QDPR: variants seen among roughly 807,000 people sequenced by gnomAD.
The protein encoded by QDPR is quinoid dihydropteridine reductase.
Under a neutral mutation model 31.7 loss-of-function variants are expected in QDPR, and 23 were observed. The ratio of observed to expected loss-of-function variants is 0.73; its 90% confidence interval spans 0.52 to 1.03. The LOEUF (loss-of-function observed/expected upper bound fraction) is 1.03, where lower values mean the gene tolerates loss of function less well. QDPR is among the 50% of genes least tolerant of loss of function. The probability of loss-of-function intolerance (pLI) is 0.00; values close to 1 mark genes in which losing one functional copy is unlikely to be tolerated. For missense variants in QDPR, 324 were observed against 323.8 expected (o/e 1.00, Z 0.00); for synonymous variants, 124 against 124.7 (o/e 0.99, Z 0.03).
intron 2 of QDPR, among the ~76,000 whole-genome samples, 165 bp downstream of exon 2, chr4:17,509,106 G>A (rs945832121): frequency 1.3e-5 from 2 of 151,990 alleles, no homozygotes; most frequent in African/African-American, 2.4e-5. Context: ...TGCAGTGAAC[G>A]GAGATCATGC....
At chr4:17,490,768 C>G in intron 5 of QDPR, 23 bp from the exon 6 acceptor site, 3 of 1,592,680 alleles carry the variant, frequency 1.9e-6, no homozygotes, top group African/African-American at 1.3e-5. Flanking sequence ...CAGATAAGCA[C>G]GTCATTCATG....
At chr4:17,498,127 T>C (rs965904260) in intron 4 of QDPR, among the ~76,000 whole-genome samples, 1 of 152,140 alleles carries the variant, frequency 6.6e-6, no homozygotes, top group African/African-American at 2.4e-5. Flanking sequence ...TGAAAACCAC[T>C]ATTTCTTCTA....
intron 2 of QDPR, among the ~76,000 whole-genome samples, chr4:17,507,297 CT>C (rs1346630393): frequency 6.6e-6 from 1 of 152,190 alleles, no homozygotes; most frequent in African/African-American, 2.4e-5. Context: ...GTAAAATGGC[CT>C]GCCTGCCTGC....
intron 1 of QDPR, among the ~76,000 whole-genome samples, 171 bp downstream of exon 1, chr4:17,511,779 G>T (rs1382293632): frequency 6.6e-6 from 1 of 152,156 alleles, no homozygotes; most frequent in African/African-American, 2.4e-5. Flanking sequence ...GCGTGCGCAC[G>T]CACTCGGAAA....
chr4:17,509,562 C>T (rs1169167733), intron 1 of QDPR, among the ~76,000 whole-genome samples, 199 bp from the exon 2 acceptor site: 1 of 151,940 alleles, frequency 6.6e-6, no homozygotes, highest in Non-Finnish European at 1.5e-5. Flanking sequence ...CCAGTCCCTA[C>T]AAAAAAATTT....
At chr4:17,493,328 G>A (rs531776815) in intron 4 of QDPR, among the ~76,000 whole-genome samples, 8 of 152,206 alleles carry the variant, frequency 5.3e-5, no homozygotes, top group Admixed American at 1.3e-4. Context: ...CCGGCTACTC[G>A]GGAGGCTGAG....
intron 3 of QDPR, among the ~76,000 whole-genome samples, chr4:17,503,754 A>T (rs113758487): frequency 6.6e-6 from 1 of 152,196 alleles, no homozygotes; most frequent in Admixed American, 6.5e-5. Flanking sequence ...GTTCAAGACC[A>T]GCCTGGGCAA....
chr4:17,491,933 T>C (rs1379076320), intron 5 of QDPR, among the ~76,000 whole-genome samples: 1 of 152,142 alleles, frequency 6.6e-6, no homozygotes, highest in Non-Finnish European at 1.5e-5. Flanking sequence ...GAAGGCGCCA[T>C]CTATGAGGAA....
In QDPR at chr4:17,504,965, T is replaced by C. The variant is rs533561837; in HGVS notation, c.199-490A>G. On this transcript the variant is annotated intron_variant, in intron 2 of 6. Transcript: ENST00000281243. ...TCTGAAAAAAATGCCAACGAAAAAT[T>C]GTAAGAAAAATCATGAGCCAAGAAA... is the stretch of plus-strand genomic sequence containing the variant. Among the ~76,000 whole-genome samples the C allele has an allele frequency of 1.4e-3, 220 of 152,152 alleles. 1 individual carries two copies. Among genetic ancestry groups the C allele is most frequent in the African/African-American group, 4.9e-3 (202 of 41,518 alleles).
At chr4:17,502,842 C>T (rs565851438) in intron 3 of QDPR, among the ~76,000 whole-genome samples, 1 of 152,346 alleles carries the variant, frequency 6.6e-6, no homozygotes, top group South Asian at 2.1e-4. Flanking sequence ...GACATTCACA[C>T]ACAATACCAC....
At chr4:17,505,243 CTT>C (rs1230268105) in intron 2 of QDPR, among the ~76,000 whole-genome samples, 5 of 103,296 alleles carry the variant, frequency 4.8e-5, no homozygotes, top group Admixed American at 2.2e-4. Context: ...CTTAAGATTT[CTT>C]TTTTTTTTTT....
intron 6 of QDPR, among the ~76,000 whole-genome samples, chr4:17,487,951 T>C (rs114056621): frequency 6.6e-6 from 1 of 152,224 alleles, no homozygotes; most frequent in African/African-American, 2.4e-5. Context: ...ATTGTTGGAA[T>C]TCTTTTGTGA....
intron 2 of QDPR, among the ~76,000 whole-genome samples, chr4:17,504,813 C>T (rs1467765887): frequency 6.6e-6 from 1 of 152,114 alleles, no homozygotes; most frequent in East Asian, 1.9e-4. Flanking sequence ...AGCTTCACTG[C>T]CTGCACATAG....
At chr4:17,494,652 C>T (rs565761583) in intron 4 of QDPR, among the ~76,000 whole-genome samples, 4 of 152,314 alleles carry the variant, frequency 2.6e-5, no homozygotes, top group Middle Eastern at 3.4e-3. Flanking sequence ...TTGTACAGTA[C>T]TGAGCACAGA....
chr4:17,498,820 A>C (rs959450338), intron 4 of QDPR, among the ~76,000 whole-genome samples: 4 of 151,512 alleles, frequency 2.6e-5, no homozygotes, highest in Non-Finnish European at 5.9e-5. Context: ...AAAACTTCTG[A>C]TGTGCAAACA....
intron 5 of QDPR, 59 bp downstream of exon 5, chr4:17,492,173 C>T (rs930624098): frequency 1.7e-5 from 24 of 1,446,584 alleles, no homozygotes; most frequent in African/African-American, 4.2e-5. Flanking sequence ...GTCAGACAAA[C>T]GGTCACCTGC....
chr4:17,512,075 T>A lies in QDPR; in HGVS notation c.-21A>T. 4 of 1,556,118 alleles carry A rather than the reference T, an allele frequency of 2.6e-6. No homozygotes were observed. The highest frequency in any genetic ancestry group is 3.5e-6 in the Non-Finnish European group (4 of 1,154,146). On this transcript the variant is annotated 5_prime_UTR_variant, in exon 1 of 7. Coordinates refer to ENST00000281243, the MANE Select transcript of QDPR (RefSeq NM_000320.3). ...GCCATCCTGCTCCTGCCAGCCCGGC[T>A]CCCGCAGCTCCGAATGCCTCGAGCC...
At position 17,492,232 on chromosome 4, in the gene QDPR, G is replaced by C; in HGVS notation, c.545C>G (p.Pro182Arg). ...PPGAAAIAVL[P>R]VTLDTPMNRK... is the part of the protein sequence containing the mutation. ...CAGCCAGGGAACCCCAAGCACTTAC[G>C]GGAGCACAGCGATGGCGGCTGCCCC... is the stretch of plus-strand genomic sequence containing the variant. The change falls in exon 5 of 7, where the codon CCG becomes CGG. Residue 182 changes from proline (P) to arginine (R), a missense_variant and splice_region_variant. By Grantham distance (103) the Pro-to-Arg change is moderately radical (BLOSUM62 -2). Transcript: ENST00000281243. 2.0e-5 allele frequency: 33 copies of C among 1,613,352 alleles called. No homozygotes were observed. Among genetic ancestry groups the C allele is most frequent in the Non-Finnish European group, 2.8e-5 (33 of 1,179,572 alleles).
intron 2 of QDPR, among the ~76,000 whole-genome samples, chr4:17,508,123 T>G (rs1216382954): frequency 6.6e-6 from 1 of 152,252 alleles, no homozygotes; most frequent in Non-Finnish European, 1.5e-5. Context: ...AACTCCACTT[T>G]TTAGAATGTA....
Sources: allele counts gnomAD v4.1 joint callset (sites outside exome capture counted in the v4.1 genomes callset), GRCh38; gene constraint gnomAD v4.1.1; transcripts MANE v1.5; gene names NCBI Gene and HGNC (gene_info 2026-07-23, HGNC 2026-07-21).